KIF18B: variants seen among roughly 807,000 people sequenced by gnomAD.
KIF18B encodes kinesin-like protein KIF18B.
Under a neutral mutation model 80.9 loss-of-function variants are expected in KIF18B, and 49 were observed. That is an observed-to-expected ratio of 0.61 (90% CI 0.48 to 0.77). KIF18B has a LOEUF of 0.77. Ranked by LOEUF, KIF18B falls within the 30% of genes least tolerant of loss-of-function variation. KIF18B has a pLI of 0.00. For missense variants in KIF18B, 994 were observed against 1,127.7 expected (o/e 0.88, Z 1.70); for synonymous variants, 439 against 463.9 (o/e 0.95, Z 0.69).
chr17:44,937,937 GA>G (rs1203364001), intron 1 of KIF18B, among the ~76,000 whole-genome samples: 1 of 150,530 alleles, frequency 6.6e-6, no homozygotes, highest in Non-Finnish European at 1.5e-5. Context: ...TTATTGTTAG[GA>G]AAGTCTAGAA....
At chr17:44,936,616 ATATATATATTTTTTTTTTTTTTTTTT>A (rs1488038250) in intron 1 of KIF18B, among the ~76,000 whole-genome samples, 14 of 79,786 alleles carry the variant, frequency 1.8e-4, no homozygotes, top group African/African-American at 6.1e-4. Context: ...ATATATATAT[ATATATATATTTTTTTTTTTTTTTTTT>A]TTTTTTTTTT....
At chr17:44,933,266 G>A (rs2145696614) in intron 7 of KIF18B, among the ~76,000 whole-genome samples, 1 of 152,082 alleles carries the variant, frequency 6.6e-6, no homozygotes, top group African/African-American at 2.4e-5. Context: ...GGAAGAGAGG[G>A]GTCAAGCAGA....
chr17:44,933,919 G>T lies in KIF18B; in HGVS notation c.1062+4C>A. On this transcript the variant is annotated splice_donor_region_variant and intron_variant, in intron 7 of 15. Transcript: ENST00000593135. The stretch of plus-strand genomic sequence containing the variant: ...CGCCCAAGCCGGCCCTGGCTGGCAC[G>T]CACCGAGAGCCTGATCTCCTTGGCC... 6.4e-7 allele frequency: 1 copy of T among 1,554,310 alleles called. No individual in the cohort carries two copies.
intron 1 of KIF18B, among the ~76,000 whole-genome samples, chr17:44,936,616 ATATATATATTTTTTTTTTTTTTTTTTT>A (rs2052311140): frequency 3.8e-5 from 3 of 79,784 alleles, no homozygotes; most frequent in Admixed American, 1.7e-4. Context: ...ATATATATAT[ATATATATATTTTTTTTTTTTTTTTTTT>A]TTTTTTTTTT....
chr17:44,933,786 T>C, intron 7 of KIF18B, 137 bp downstream of exon 7: 2 of 850,504 alleles, frequency 2.4e-6, no homozygotes, highest in Non-Finnish European at 3.5e-6. Flanking sequence ...AGCCACCATG[T>C]CCAGGCCAGA....
chr17:44,938,604 T>G (rs1298185161), intron 1 of KIF18B, among the ~76,000 whole-genome samples: 2 of 152,232 alleles, frequency 1.3e-5, no homozygotes, highest in Admixed American at 6.5e-5. Flanking sequence ...GGAATTTTTT[T>G]TGTGTGTGTG....
chr17:44,939,314 T>C (rs1465085877), intron 1 of KIF18B, among the ~76,000 whole-genome samples: 1 of 126,690 alleles, frequency 7.9e-6, no homozygotes. Flanking sequence ...GAGGTTGCAG[T>C]GAGCTGAGAT....
chr17:44,936,289 G>T lies in KIF18B; in HGVS notation c.56C>A (p.Pro19His). 6.2e-7 allele frequency: 1 copy of T among 1,610,738 alleles called. No homozygotes were observed. Among genetic ancestry groups the T allele is most frequent in the Non-Finnish European group, 8.5e-7 (1 of 1,179,196 alleles). ...QVVVRVRPPT[P>H]RELDSQRRPV... is the part of the protein sequence containing the mutation. ...CCGCCGCTGACTGTCCAGCTCCCGA[G>T]GGGTGGGGGGCCGCACCCGTACCAC... The change falls in exon 2 of 16, where the codon CCT becomes CAT. Residue 19 changes from proline to histidine, a missense_variant. Coordinates refer to ENST00000593135, the MANE Select transcript of KIF18B (RefSeq NM_001265577.2).
At position 44,925,082 on chromosome 17, in the gene KIF18B, T is replaced by C. The variant is rs2145656282; in HGVS notation, c.*998A>G. 6.6e-6 allele frequency: 1 copy of C among 152,286 alleles called. No homozygotes were observed. Among genetic ancestry groups the C allele is most frequent in the Non-Finnish European group, 1.5e-5 (1 of 68,058 alleles). 9.4% of individuals were successfully genotyped at this position (152,286 alleles called of 1,614,324 possible). ...ATTCCTCCTCTACTGCCTGTGGCCA[T>C]CACCGTGGGGCCTGTGTTAGAGACA... On this transcript the variant is annotated 3_prime_UTR_variant, in exon 16 of 16. Transcript: ENST00000593135.
At position 44,928,199 on chromosome 17, in the gene KIF18B, CA is replaced by C. The variant is rs1407121338; in HGVS notation, c.2102del (p.Leu701ArgfsTer49). The C allele has an allele frequency of 5.6e-6, 9 of 1,612,504 alleles. No homozygotes were observed. The highest frequency in any genetic ancestry group is 6.8e-6 in the Non-Finnish European group (8 of 1,179,190). ...PATVIKSRVP[L>X]GPSAMQNCST... ...AGCAGTTCTGCATGGCGGAAGGGCC[CA>C]GGGGCACCCGGCTTTTGATGACTGT... On this transcript the variant is annotated frameshift_variant, in exon 13 of 16. Transcript: ENST00000593135. LOFTEE classifies it high-confidence loss of function.
At chr17:44,944,807 T>C (rs1040689553) in intron 1 of KIF18B, among the ~76,000 whole-genome samples, 1 of 152,226 alleles carries the variant, frequency 6.6e-6, no homozygotes, top group Admixed American at 6.5e-5. Context: ...GAGTCAGTTT[T>C]GGCAAGTTGT....
intron 1 of KIF18B, among the ~76,000 whole-genome samples, chr17:44,947,063 C>T (rs1219522216): frequency 7.6e-5 from 10 of 132,114 alleles, no homozygotes. Flanking sequence ...GAGCCAAGAT[C>T]GCGCCATTGC....
chr17:44,937,426 A>G (rs760388634), intron 1 of KIF18B, among the ~76,000 whole-genome samples: 5 of 152,112 alleles, frequency 3.3e-5, no homozygotes, highest in African/African-American at 1.2e-4. Flanking sequence ...ATGTCCCTCA[A>G]TAAGATTTTA....
chr17:44,938,996 A>AC (rs2052363343), intron 1 of KIF18B, among the ~76,000 whole-genome samples: 1 of 151,394 alleles, frequency 6.6e-6, no homozygotes, highest in Non-Finnish European at 1.5e-5. Flanking sequence ...GTGAGCTGAG[A>AC]TCGTACCACT....
chr17:44,936,186 T>C lies in KIF18B; in HGVS notation c.159A>G (p.Lys53=), dbSNP rs934365280. 1.7e-5 allele frequency: 27 copies of C among 1,612,890 alleles called. No homozygotes were observed. Among genetic ancestry groups the C allele is most frequent in the Non-Finnish European group, 2.2e-5 (26 of 1,179,548 alleles). ...TGGGGCCATCATGGGTGCCACCCCA[T>C]TTCAGGCCAGGGAACCCTCCATCGG... The part of the protein sequence containing the change: ...EEPDGGFPGL[K]WGGTHDGPKK... The change falls in exon 2 of 16, where the codon AAA becomes AAG. Residue 53 remains lysine (K), a synonymous_variant. Coordinates refer to ENST00000593135, the MANE Select transcript of KIF18B (RefSeq NM_001265577.2).
rs1381475453 is a variant in KIF18B at position 44,935,359 on chromosome 17, C to T, written c.371G>A (p.Gly124Glu). ...GKTHTMLGRE[G>E]DPGIMYLTTV... is the part of the protein sequence containing the mutation. ...GGTCAGGTACATGATGCCGGGGTCC[C>T]CCTCCCTTCCCAGCATGGTGTGTGT... The change falls in exon 3 of 16, where the codon GGG becomes GAG. Residue 124 changes from glycine (G) to glutamate (E), a missense_variant. Gly to Glu is a moderately conservative substitution (Grantham distance 98). Transcript: ENST00000593135. 1.2e-6 allele frequency: 2 copies of T among 1,613,272 alleles called. No homozygotes were observed. Among genetic ancestry groups the T allele is most frequent in the East Asian group, 2.2e-5 (1 of 44,864 alleles).
intron 9 of KIF18B, 142 bp downstream of exon 9, chr17:44,932,531 C>T: frequency 1.6e-6 from 1 of 642,316 alleles, no homozygotes; most frequent in Non-Finnish European, 2.8e-6. Flanking sequence ...AGTTGCTGGG[C>T]AGGCACTGGG....
intron 1 of KIF18B, among the ~76,000 whole-genome samples, chr17:44,945,259 C>T (rs2052489546): frequency 6.6e-6 from 1 of 152,170 alleles, no homozygotes; most frequent in African/African-American, 2.4e-5. Flanking sequence ...TGGGGTTTCA[C>T]CATATTGCCC....
chr17:44,927,214 A>C lies in KIF18B; in HGVS notation c.2277-136T>G. ...GATGACCTCTGAGGTTTCTTCTACA[A>C]AGAGGTGGATTCCTCTCTCTGCCTG... On this transcript the variant is annotated intron_variant, in intron 13 of 15. Transcript: ENST00000593135. This position sits in a 1 kb window ranked among gnomAD's most constrained non-coding sequence, Gnocchi z 4.1. The C allele has an allele frequency of 1.6e-6, 1 of 622,824 alleles. No homozygotes were observed. The highest frequency in any genetic ancestry group is 2.8e-6 in the Non-Finnish European group (1 of 359,180). 38.6% of individuals were successfully genotyped at this position (622,824 alleles called of 1,614,324 possible).
Sources: gnomAD v4.1 joint callset for allele counts (sites outside exome capture counted in the v4.1 genomes callset) on GRCh38, gnomAD v4.1.1 for gene constraint, Gnocchi (gnomAD v3.1) non-coding constraint, MANE v1.5 for transcripts, NCBI Gene and HGNC (gene_info 2026-07-23, HGNC 2026-07-21) for gene names.